RASSF2: variants seen among roughly 807,000 people sequenced by gnomAD.
The protein encoded by RASSF2 is ras association domain-containing protein 2.
Under a neutral mutation model 46.3 loss-of-function variants are expected in RASSF2, and 34 were observed. The ratio of observed to expected loss-of-function variants is 0.73; its 90% CI spans 0.56 to 0.98. The LOEUF (loss-of-function observed/expected upper bound fraction) is 0.98, where lower values mean the gene tolerates loss of function less well. Among genes scored for constraint, RASSF2 ranks in the 50% least tolerant of loss-of-function variants. The pLI, the probability that RASSF2 is intolerant of heterozygous loss-of-function variation, is 0.00. For missense variants in RASSF2, 364 were observed against 431.2 expected, an observed-to-expected ratio of 0.84 and a Z score of 1.38; for synonymous variants, 158 against 162.5, an observed-to-expected ratio of 0.97 and a Z score of 0.21.
chr20:4,790,263 C>T lies in RASSF2; in HGVS notation c.537+188G>A, dbSNP rs1925755103. 6.6e-6 allele frequency among the ~76,000 whole-genome samples: 1 copy of T among 152,238 alleles called. No homozygotes were observed. Among genetic ancestry groups the T allele is most frequent in the Non-Finnish European group, 1.5e-5 (1 of 68,032 alleles). On this transcript the variant is annotated intron_variant, in intron 7 of 11. Coordinates refer to ENST00000379400, the MANE Select transcript of RASSF2 (RefSeq NM_014737.3). The surrounding 1 kb of genome is among the most constrained non-coding windows in gnomAD (Gnocchi z 4.3). ...AACCCACAGGGGGACTTTGAGGCTT[C>T]TGACCTGGGGTCCCTCAGCCCTCAG...
chr20:4,818,843 C>T (rs1455794500), intron 2 of RASSF2, among the ~76,000 whole-genome samples: 3 of 152,238 alleles, frequency 2.0e-5, no homozygotes, highest in African/African-American at 7.2e-5. Flanking sequence ...TGGTTTTCTA[C>T]ATGCTTGCTA....
rs187872899 is a variant in RASSF2 at position 4,808,574 on chromosome 20, C to T, written c.-32-7512G>A. Among the ~76,000 whole-genome samples the T allele has an allele frequency of 1.1e-4, 16 of 149,966 alleles. No homozygotes were observed. In the East Asian group the frequency reaches 3.1e-3, roughly 29 times the overall value. On this transcript the variant is annotated intron_variant, in intron 2 of 11. Transcript: ENST00000379400. ...CGATCACAGGTCACTGCAGCCTTGA[C>T]CTCTTGGGCTCAAGTGATTCTCTCA...
At chr20:4,820,769 C>G (rs148807089) in intron 2 of RASSF2, among the ~76,000 whole-genome samples, 1 of 152,078 alleles carries the variant, frequency 6.6e-6, no homozygotes, top group Non-Finnish European at 1.5e-5. Context: ...CCCTGTTTCT[C>G]GCTCTGGAAG....
intron 1 of RASSF2, among the ~76,000 whole-genome samples, chr20:4,822,622 G>A (rs184660782): frequency 6.6e-6 from 1 of 152,380 alleles, no homozygotes; most frequent in Admixed American, 6.5e-5. Context: ...AGAAGTAGCC[G>A]GGGCCGCCCA....
intron 2 of RASSF2, among the ~76,000 whole-genome samples, chr20:4,807,697 C>T (rs1027876438): frequency 2.0e-5 from 3 of 152,246 alleles, no homozygotes; most frequent in East Asian, 1.9e-4. Context: ...GCTATAACTC[C>T]GACCTATGGG....
At chr20:4,821,772 G>T (rs1928704669) in intron 2 of RASSF2, among the ~76,000 whole-genome samples, 2 of 152,096 alleles carry the variant, frequency 1.3e-5, no homozygotes, top group African/African-American at 4.8e-5. Context: ...CAAAACTACT[G>T]CCCTCTCCAA....
rs1461082385 is a variant in RASSF2, at chr20:4,792,435, T to C, written c.376+104A>G. On this transcript the variant is annotated intron_variant, in intron 6 of 11. Transcript: ENST00000379400. ...TTCTCTCCCTTTGTATCTTGAACCA[T>C]ATACATTTTATATTCTCAAAAATAA... is the stretch of plus-strand genomic sequence containing the variant. 84 of 1,548,738 alleles carry C rather than the reference T, an allele frequency of 5.4e-5. 1 individual carries two copies. The South Asian group carries it at 7.3e-4, about 13-fold the overall frequency.
At chr20:4,803,292 G>A (rs1480196901) in intron 2 of RASSF2, among the ~76,000 whole-genome samples, 2 of 152,160 alleles carry the variant, frequency 1.3e-5, no homozygotes, top group East Asian at 3.9e-4. Context: ...TCGACCTCCT[G>A]GAAGAAGGAT....
Position 4,784,266 on chromosome 20 carries a change from T to A in RASSF2, c.*7A>T. The stretch of plus-strand genomic sequence containing the variant: ...CTGGGGTGCCCAGATCCCCTCGTTC[T>A]CATGGCTCAGATTGTTGCTGGGGTC... On this transcript the variant is annotated 3_prime_UTR_variant, in exon 12 of 12. Coordinates refer to ENST00000379400, the MANE Select transcript of RASSF2 (RefSeq NM_014737.3). The A allele has an allele frequency of 1.9e-6, 3 of 1,612,588 alleles. No individual in the cohort carries two copies. The highest frequency in any genetic ancestry group is 2.2e-5 in the South Asian group (2 of 91,058).
At position 4,822,410 on chromosome 20, in the gene RASSF2, A is replaced by G. The variant is rs1246255667; in HGVS notation, c.-107-7T>C. ...GCGCCGGGATTCCAGATACCTGGGA[A>G]ATAGAGTGCACGCAGCTGTTGAGAG... On this transcript the variant is annotated splice_polypyrimidine_tract_variant and splice_region_variant and intron_variant, in intron 1 of 11. Transcript: ENST00000379400. 1 of 119,424 alleles carries G rather than the reference A, an allele frequency of 8.4e-6. No individual in the cohort carries two copies. The highest frequency in any genetic ancestry group is 3.1e-5 in the African/African-American group (1 of 32,276). 7.4% of individuals were successfully genotyped at this position (119,424 alleles called of 1,614,324 possible).
chr20:4,822,856 G>T (rs1437619484), intron 1 of RASSF2, among the ~76,000 whole-genome samples: 3 of 152,096 alleles, frequency 2.0e-5, no homozygotes, highest in Non-Finnish European at 4.4e-5. Flanking sequence ...GACTGGGGTC[G>T]GGCACTCTCC....
chr20:4,809,359 C>A (rs1927588692), intron 2 of RASSF2, among the ~76,000 whole-genome samples: 1 of 152,022 alleles, frequency 6.6e-6, no homozygotes, highest in South Asian at 2.1e-4. Context: ...TGCCCATGCT[C>A]CCCCTCAGAC....
At chr20:4,792,137 G>A (rs1925928630) in intron 6 of RASSF2, among the ~76,000 whole-genome samples, 1 of 151,872 alleles carries the variant, frequency 6.6e-6, no homozygotes. Flanking sequence ...TTTAATCCCA[G>A]CTACTCAGGA....
At chr20:4,809,798 G>A (rs569471465) in intron 2 of RASSF2, among the ~76,000 whole-genome samples, 19 of 152,254 alleles carry the variant, frequency 1.2e-4, no homozygotes, top group South Asian at 4.1e-4. Context: ...AATGAGGTGC[G>A]TTCAGCTGGA....
At chr20:4,797,958 T>C in intron 4 of RASSF2, 52 bp downstream of exon 4, 1 of 1,609,452 alleles carries the variant, frequency 6.2e-7, no homozygotes, top group Non-Finnish European at 8.5e-7. Context: ...CCAGGACACA[T>C]GGTGACAAGC....
intron 3 of RASSF2, among the ~76,000 whole-genome samples, chr20:4,800,376 T>C (rs1348682672): frequency 1.3e-5 from 2 of 152,084 alleles, no homozygotes; most frequent in Non-Finnish European, 2.9e-5. Context: ...TGCCGGACCA[T>C]AGACTGGGTG....
At chr20:4,800,917 C>T in intron 3 of RASSF2, 55 bp downstream of exon 3, 2 of 1,480,804 alleles carry the variant, frequency 1.4e-6, no homozygotes, top group Non-Finnish European at 1.9e-6. Context: ...CCACCCACAA[C>T]ATCCCAGCAC....
chr20:4,798,424 C>T (rs1366533657), intron 3 of RASSF2, among the ~76,000 whole-genome samples: 2 of 152,160 alleles, frequency 1.3e-5, no homozygotes, highest in Non-Finnish European at 2.9e-5. Context: ...TTCACTGAGG[C>T]GAGCACTTCA....
At chr20:4,808,454 G>A (rs1927519368) in intron 2 of RASSF2, among the ~76,000 whole-genome samples, 1 of 150,588 alleles carries the variant, frequency 6.6e-6, no homozygotes. Flanking sequence ...GCAGAAAGGG[G>A]ACAAGAAAGA....
Sources: allele counts gnomAD v4.1 joint callset (sites outside exome capture counted in the v4.1 genomes callset), GRCh38; gene constraint gnomAD v4.1.1; non-coding constraint Gnocchi (gnomAD v3.1); transcripts MANE v1.5; gene names NCBI Gene and HGNC (gene_info 2026-07-23, HGNC 2026-07-21).